CDC42BPA: variants seen among roughly 807,000 people sequenced by gnomAD.
The protein encoded by CDC42BPA is serine/threonine-protein kinase MRCK alpha.
In CDC42BPA, 80 loss-of-function variants were observed where a neutral mutation model predicts 223.5. The observed-to-expected ratio is 0.36, with a 90% CI of 0.30 to 0.43. The LOEUF (loss-of-function observed/expected upper bound fraction) is 0.43. CDC42BPA is among the 20% of genes least tolerant of loss of function. The pLI is 1.00. For synonymous variants in CDC42BPA, 694 were observed against 718.6 expected (o/e 0.97, Z 0.55); for missense variants, 1,743 against 2,099.9 (o/e 0.83, Z 3.32).
chr1:227,269,656 T>C (rs1159401960), intron 1 of CDC42BPA, among the ~76,000 whole-genome samples: 3 of 152,048 alleles, frequency 2.0e-5, no homozygotes, highest in Non-Finnish European at 4.4e-5. Flanking sequence ...AACATACAGA[T>C]TTTACAAATC....
intron 5 of CDC42BPA, among the ~76,000 whole-genome samples, chr1:227,173,362 T>A (rs1666419618): frequency 6.6e-6 from 1 of 152,220 alleles, no homozygotes; most frequent in Non-Finnish European, 1.5e-5. Flanking sequence ...CCTCAGCTAC[T>A]GGAAGATGGT....
chr1:227,036,653 T>A (rs1010288283), intron 24 of CDC42BPA, among the ~76,000 whole-genome samples: 1 of 152,164 alleles, frequency 6.6e-6, no homozygotes, highest in East Asian at 1.9e-4. Flanking sequence ...ATGGTCTCGA[T>A]CTCCTGACCT....
At chr1:227,225,387 A>G (rs1043543572) in intron 2 of CDC42BPA, among the ~76,000 whole-genome samples, 1 of 152,102 alleles carries the variant, frequency 6.6e-6, no homozygotes, top group Non-Finnish European at 1.5e-5. Flanking sequence ...AAAGAACTCC[A>G]TTTTCCTGTT....
chr1:227,102,084 T>G (rs925184310), intron 14 of CDC42BPA, among the ~76,000 whole-genome samples: 4 of 152,098 alleles, frequency 2.6e-5, no homozygotes, highest in Non-Finnish European at 5.9e-5. Flanking sequence ...TGCACTTAAG[T>G]TTAGGGACAA....
intron 35 of CDC42BPA, 28 bp downstream of exon 35, chr1:227,004,966 G>T: frequency 1.3e-6 from 2 of 1,494,830 alleles, no homozygotes; most frequent in Non-Finnish European, 1.9e-6. Flanking sequence ...CTGTCTCAGA[G>T]GCACCTTCCT....
At chr1:227,124,942 C>A (rs1360612237) in intron 11 of CDC42BPA, among the ~76,000 whole-genome samples, 1 of 152,042 alleles carries the variant, frequency 6.6e-6, no homozygotes, top group African/African-American at 2.4e-5. Flanking sequence ...TAAGACGACT[C>A]CGAAATGTGA....
At chr1:227,316,924 G>C (rs1480371280) in intron 1 of CDC42BPA, 81 bp downstream of exon 1, 23 of 1,035,364 alleles carry the variant, frequency 2.2e-5, no homozygotes, top group Non-Finnish European at 3.2e-5. Flanking sequence ...ACGGAGTAGA[G>C]TTTACTCATA....
intron 1 of CDC42BPA, 37 bp downstream of exon 1, chr1:227,316,964 CAGCT>C (rs749264694): frequency 1.4e-6 from 2 of 1,430,130 alleles, no homozygotes; most frequent in Admixed American, 3.4e-5. Flanking sequence ...TCATAATGAC[CAGCT>C]AAAGATTAAC....
intron 23 of CDC42BPA, among the ~76,000 whole-genome samples, chr1:227,044,253 T>C (rs1671952279): frequency 6.6e-6 from 1 of 152,202 alleles, no homozygotes; most frequent in Non-Finnish European, 1.5e-5. Flanking sequence ...AGCCTCTTAT[T>C]AGTGGTAAAC....
intron 2 of CDC42BPA, among the ~76,000 whole-genome samples, chr1:227,239,005 C>T (rs1284829937): frequency 6.6e-6 from 1 of 152,106 alleles, no homozygotes; most frequent in Non-Finnish European, 1.5e-5. Flanking sequence ...ACACAACAAA[C>T]AATAAATGTA....
intron 19 of CDC42BPA, among the ~76,000 whole-genome samples, chr1:227,072,664 A>G (rs949711270): frequency 6.6e-6 from 1 of 152,018 alleles, no homozygotes; most frequent in East Asian, 1.9e-4. Flanking sequence ...TACAAAATCA[A>G]AGGTTAATTT....
At chr1:227,260,153 T>A (rs1273438308) in intron 1 of CDC42BPA, among the ~76,000 whole-genome samples, 1 of 150,828 alleles carries the variant, frequency 6.6e-6, no homozygotes, top group African/African-American at 2.5e-5. Flanking sequence ...CTTTCCAACA[T>A]AACAAGTTGC....
chr1:227,051,970 T>C lies in CDC42BPA; in HGVS notation c.2920A>G (p.Asn974Asp). 1 of 1,366,020 alleles carries C rather than the reference T, an allele frequency of 7.3e-7. No individual in the cohort carries two copies. The allele number at this position is 1,366,020 out of a possible 1,614,324, so 84.6% of individuals were successfully genotyped here. The part of the protein sequence containing the change: ...LDQFETDPVE[N>D]TYVWNPSVKF... ...ACGCTCGGGTTCCATACATATGTGT[T>C]CTCAACGGGATCAGTCTAGGAAAAT... The change falls in exon 22 of 37, where the codon AAC becomes GAC. Residue 974 changes from asparagine to aspartate, a missense_variant. This residue lies in a region of CDC42BPA where 678 missense variants were observed against 777.5 expected (regional missense o/e 0.87). Coordinates refer to ENST00000366766, the MANE Select transcript of CDC42BPA (RefSeq NM_001394014.1).
chr1:227,123,462 G>A (rs1273013875), intron 11 of CDC42BPA, among the ~76,000 whole-genome samples: 1 of 152,138 alleles, frequency 6.6e-6, no homozygotes, highest in Non-Finnish European at 1.5e-5. Context: ...TGTATGGCAT[G>A]GAAGAGAAAT....
intron 8 of CDC42BPA, 61 bp from the exon 9 acceptor site, chr1:227,143,085 A>T: frequency 9.6e-7 from 1 of 1,039,350 alleles, no homozygotes; most frequent in Non-Finnish European, 1.3e-6. Flanking sequence ...AGGCTTGGCT[A>T]TAAATATAAA....
intron 10 of CDC42BPA, among the ~76,000 whole-genome samples, chr1:227,139,060 G>A (rs1200573577): frequency 2.0e-5 from 3 of 152,110 alleles, no homozygotes; most frequent in Non-Finnish European, 4.4e-5. Flanking sequence ...GTAATCTTAA[G>A]ACATATCTTA....
chr1:227,256,948 GACACACACACACACACACAC>G (rs55961981), intron 1 of CDC42BPA, among the ~76,000 whole-genome samples: 3 of 141,112 alleles, frequency 2.1e-5, no homozygotes, highest in African/African-American at 8.0e-5. Context: ...TATATATACA[GACACACACACACACACACAC>G]ACACACACAC....
intron 5 of CDC42BPA, among the ~76,000 whole-genome samples, chr1:227,185,048 T>C (rs1668530675): frequency 6.6e-6 from 1 of 152,182 alleles, no homozygotes; most frequent in Non-Finnish European, 1.5e-5. Flanking sequence ...TATAACATCA[T>C]ACCGTTCTTA....
At chr1:227,011,042 G>A in intron 34 of CDC42BPA, 4 of 1,351,830 alleles carry the variant, frequency 3.0e-6, no homozygotes, top group Non-Finnish European at 3.9e-6. Context: ...TGATGATGAG[G>A]GGATGGATAA....
Sources: allele counts gnomAD v4.1 joint callset (sites outside exome capture counted in the v4.1 genomes callset), GRCh38; gene constraint gnomAD v4.1.1; regional missense constraint gnomAD v4.1.1; transcripts MANE v1.5; gene names NCBI Gene and HGNC (gene_info 2026-07-23, HGNC 2026-07-21).